LMAN2L: variants seen among roughly 807,000 people sequenced by gnomAD.
The protein encoded by LMAN2L is VIP36-like protein.
In LMAN2L, 30 loss-of-function variants were observed where a neutral mutation model predicts 44.3. The observed-to-expected ratio is 0.68, with a 90% CI of 0.51 to 0.92. The LOEUF (loss-of-function observed/expected upper bound fraction) is 0.92. Among genes scored for constraint, LMAN2L ranks in the 40% least tolerant of loss-of-function variants. The pLI is 0.00. For missense variants in LMAN2L, 429 were observed against 446.1 expected (o/e 0.96, Z 0.35); for synonymous variants, 183 against 171.1 (o/e 1.07, Z -0.54).
intron 1 of LMAN2L, among the ~76,000 whole-genome samples, chr2:96,739,471 C>T (rs938659146): frequency 6.6e-6 from 1 of 152,196 alleles, no homozygotes; most frequent in African/African-American, 2.4e-5. Context: ...TCAAGTTCTA[C>T]CCCAGTTCTT....
Position 96,711,710 on chromosome 2 carries a change from G to A in LMAN2L, c.730C>T (p.Arg244Cys), listed in dbSNP as rs770958393. 12 of 1,613,960 alleles carry A rather than the reference G, an allele frequency of 7.4e-6. No homozygotes were observed. In the East Asian group the frequency reaches 8.9e-5, roughly 12 times the overall value. ...CCGAAGTAGTAGCCGCGGGGCAGGC[G>A]GACTCCGGGCACTTCAATGCAGTCC... ...WRDCIEVPGV[R>C]LPRGYYFGTS... The change falls in exon 6 of 8, where the codon CGC becomes TGC. Residue 244 changes from arginine (R) to cysteine (C), a missense_variant. Arg to Cys is a radical substitution (Grantham distance 180). Coordinates refer to ENST00000264963, the MANE Select transcript of LMAN2L (RefSeq NM_030805.4).
intron 6 of LMAN2L, among the ~76,000 whole-genome samples, chr2:96,710,201 C>T (rs893738958): frequency 4.6e-5 from 7 of 152,112 alleles, no homozygotes; most frequent in African/African-American, 1.7e-4. Context: ...AGGCTTTTGG[C>T]AGGTGATGGA....
At chr2:96,734,071 G>C (rs1218118889) in intron 3 of LMAN2L, among the ~76,000 whole-genome samples, 1 of 152,198 alleles carries the variant, frequency 6.6e-6, no homozygotes, top group Non-Finnish European at 1.5e-5. Flanking sequence ...TGACTCAGCA[G>C]TGCTGAGATC....
chr2:96,729,147 G>C (rs1008406173), intron 4 of LMAN2L, among the ~76,000 whole-genome samples: 1 of 151,742 alleles, frequency 6.6e-6, no homozygotes, highest in African/African-American at 2.4e-5. Context: ...ACTCCAGCCT[G>C]GGCGACAGAG....
chr2:96,736,331 T>C (rs1373201395), intron 2 of LMAN2L, among the ~76,000 whole-genome samples: 1 of 152,220 alleles, frequency 6.6e-6, no homozygotes, highest in African/African-American at 2.4e-5. Context: ...TTCCAATGGA[T>C]AGCCAAATTT....
chr2:96,724,002 G>A (rs979379389), intron 4 of LMAN2L, among the ~76,000 whole-genome samples: 1 of 152,012 alleles, frequency 6.6e-6, no homozygotes, highest in Non-Finnish European at 1.5e-5. Context: ...GGGAGGCTGA[G>A]GCAGGAGAAT....
intron 4 of LMAN2L, among the ~76,000 whole-genome samples, chr2:96,715,116 T>G: frequency 6.6e-6 from 1 of 152,114 alleles, no homozygotes; most frequent in South Asian, 2.1e-4. Flanking sequence ...TTTTTGTATT[T>G]TTAGTAGAGA....
intron 4 of LMAN2L, among the ~76,000 whole-genome samples, chr2:96,723,551 T>G (rs1410308989): frequency 6.6e-6 from 1 of 152,254 alleles, no homozygotes; most frequent in Non-Finnish European, 1.5e-5. Context: ...TTTATCCTTT[T>G]CTTTCGTTGC....
At chr2:96,733,729 C>T (rs983302733) in intron 3 of LMAN2L, 128 bp from the exon 4 acceptor site, 3 of 723,602 alleles carry the variant, frequency 4.1e-6, no homozygotes, top group Non-Finnish European at 7.0e-6. Flanking sequence ...GATGAGAAAA[C>T]ACATGTTTAA....
At chr2:96,727,840 C>A (rs1350532906) in intron 4 of LMAN2L, among the ~76,000 whole-genome samples, 2 of 152,168 alleles carry the variant, frequency 1.3e-5, no homozygotes, top group Non-Finnish European at 2.9e-5. Flanking sequence ...GTATTTGTCA[C>A]CCTCTTTTAA....
At chr2:96,737,183 C>A (rs1253504126) in intron 2 of LMAN2L, 2 of 455,730 alleles carry the variant, frequency 4.4e-6, no homozygotes, top group African/African-American at 2.0e-5. Flanking sequence ...ACTGCATTCA[C>A]TTCTTGTCGC....
chr2:96,712,127 A>G, intron 4 of LMAN2L, 102 bp from the exon 5 acceptor site: 1 of 1,183,582 alleles, frequency 8.4e-7, no homozygotes, highest in Non-Finnish European at 1.2e-6. Flanking sequence ...AGCCCCTTAC[A>G]GCAGAATAGG....
In LMAN2L at chr2:96,738,725, G is replaced by C. The variant is rs544541448; in HGVS notation, c.188-658C>G. Among the ~76,000 whole-genome samples, 3 of 151,922 alleles carry C rather than the reference G, an allele frequency of 2.0e-5. No homozygotes were observed. The South Asian group carries it at 6.2e-4, about 32-fold the overall frequency. On this transcript the variant is annotated intron_variant, in intron 1 of 7. Coordinates refer to ENST00000264963, the MANE Select transcript of LMAN2L (RefSeq NM_030805.4). ...AGAGTTTGACCCTCAGGCCTCCGGG[G>C]CTTAGTCACATTCTTCCTTTTTTTT...
At position 96,711,955 on chromosome 2, in the gene LMAN2L, C is replaced by T. The variant is rs376718855; in HGVS notation, c.578G>A (p.Arg193Gln). 10 of 1,613,998 alleles carry T rather than the reference C, an allele frequency of 6.2e-6. No homozygotes were observed. The African/African-American group carries it at 8.0e-5, about 13-fold the overall frequency. Residue 193 changes from arginine to glutamine, a missense_variant, in exon 5 of 8, where the codon CGG becomes CAG. By Grantham distance (43) the Arg-to-Gln change is conservative (BLOSUM62 1). Coordinates refer to ENST00000264963, the MANE Select transcript of LMAN2L (RefSeq NM_030805.4). ...TGTGCAGCCTCCCAGCTCTGTAGGC[C>T]GCCCATCCCGCTCATGATCATAGCT... ...SLSYDHERDG[R>Q]PTELGGCTAI...
chr2:96,735,542 C>T (rs932876244), intron 2 of LMAN2L, among the ~76,000 whole-genome samples: 4 of 152,114 alleles, frequency 2.6e-5, no homozygotes, highest in African/African-American at 7.2e-5. Context: ...TGTTTCATTA[C>T]GATTTCAGAG....
intron 2 of LMAN2L, among the ~76,000 whole-genome samples, chr2:96,737,668 T>C (rs2078544593): frequency 6.6e-6 from 1 of 152,092 alleles, no homozygotes; most frequent in Non-Finnish European, 1.5e-5. Context: ...AGGAGTTAAG[T>C]TATTATTAAA....
chr2:96,715,018 A>C (rs900025669), intron 4 of LMAN2L, among the ~76,000 whole-genome samples: 2 of 152,118 alleles, frequency 1.3e-5, no homozygotes, highest in African/African-American at 4.8e-5. Flanking sequence ...GGCTCACTGC[A>C]ACCTCCACCT....
intron 4 of LMAN2L, among the ~76,000 whole-genome samples, chr2:96,726,557 C>G (rs1344934188): frequency 1.3e-5 from 2 of 151,938 alleles, no homozygotes; most frequent in Admixed American, 6.6e-5. Flanking sequence ...CCGAGATGGG[C>G]AGATCACCTG....
intron 4 of LMAN2L, among the ~76,000 whole-genome samples, chr2:96,717,947 CT>C (rs1185115431): frequency 6.6e-5 from 10 of 151,882 alleles, no homozygotes; most frequent in African/African-American, 2.4e-4. Flanking sequence ...TTTTTTCCCC[CT>C]AAAGGACCAA....
Sources: gnomAD v4.1 joint callset for allele counts (sites outside exome capture counted in the v4.1 genomes callset) on GRCh38, gnomAD v4.1.1 for gene constraint, MANE v1.5 for transcripts, NCBI Gene and HGNC (gene_info 2026-07-23, HGNC 2026-07-21) for gene names.